KLRG2: variants seen among roughly 807,000 people sequenced by gnomAD.
KLRG2 encodes the protein killer cell lectin like receptor G2.
Under a neutral mutation model 35.4 loss-of-function variants are expected in KLRG2, and 39 were observed. The ratio of observed to expected loss-of-function variants is 1.10; its 90% CI spans 0.85 to 1.44. The LOEUF (loss-of-function observed/expected upper bound fraction) is 1.44, where lower values mean the gene tolerates loss of function less well. KLRG2 is among the 40% of genes most tolerant of loss of function. The pLI is 0.00. For missense variants in KLRG2, 632 were observed against 570.9 expected, an observed-to-expected ratio of 1.11 and a Z score of -1.09; for synonymous variants, 283 against 265.8, an observed-to-expected ratio of 1.06 and a Z score of -0.63.
At chr7:139,470,806 A>G (rs1796742210) in intron 3 of KLRG2, among the ~76,000 whole-genome samples, 1 of 151,984 alleles carries the variant, frequency 6.6e-6, no homozygotes, top group Admixed American at 6.6e-5. Flanking sequence ...CAAAAACAAA[A>G]ATAAAATAAA....
the KLRG2 span, among the ~76,000 whole-genome samples, chr7:139,429,945 C>T: frequency 1.1e-4 from 17 of 152,124 alleles, no homozygotes; most frequent in South Asian, 2.1e-3. Flanking sequence ...CCAGACAGGG[C>T]GGCTGGCCGG....
chr7:139,436,346 C>T, the KLRG2 span, among the ~76,000 whole-genome samples: 201 of 152,280 alleles, frequency 1.3e-3, 2 homozygotes, highest in African/African-American at 4.6e-3. Context: ...GAACCCCCCC[C>T]TTCACACCTC....
At position 139,453,498 on chromosome 7, in the gene KLRG2, C is replaced by T; in HGVS notation, c.*89G>A. ...GCATGAAGACCTGGATAACTGGGTCCAGGAAGAGGCTGCCCAAGCTCTCAA... is the reference window on the plus strand; with the variant it reads ...GCATGAAGACCTGGATAACTGGGTCTAGGAAGAGGCTGCCCAAGCTCTCAA... On this transcript the variant is annotated 3_prime_UTR_variant, in exon 5 of 5. Transcript: ENST00000340940. 1 of 1,411,910 alleles carries T rather than the reference C, an allele frequency of 7.1e-7. No homozygotes were observed. The highest frequency in any genetic ancestry group is 9.6e-7 in the Non-Finnish European group (1 of 1,038,618). The allele number at this position is 1,411,910 out of a possible 1,614,324, so 87.5% of individuals were successfully genotyped here.
chr7:139,452,307 G>A (rs1322739539), downstream of KLRG2, among the ~76,000 whole-genome samples: 1 of 152,104 alleles, frequency 6.6e-6, no homozygotes, highest in African/African-American at 2.4e-5. Flanking sequence ...ACTTTCAGGA[G>A]TGTGAGAAGG....
At chr7:139,473,169 T>C (rs566878757) in intron 3 of KLRG2, among the ~76,000 whole-genome samples, 45 of 152,230 alleles carry the variant, frequency 3.0e-4, no homozygotes, top group Middle Eastern at 3.4e-3. Flanking sequence ...TAATCCCAGC[T>C]ACTCAGGAGG....
chr7:139,467,545 C>G (rs1221673214), intron 3 of KLRG2, among the ~76,000 whole-genome samples: 2 of 152,070 alleles, frequency 1.3e-5, no homozygotes, highest in East Asian at 1.9e-4. Flanking sequence ...CCCCCAACGC[C>G]GTGCTCTCTG....
chr7:139,462,009 G>A (rs961304251), intron 3 of KLRG2, among the ~76,000 whole-genome samples: 3 of 152,066 alleles, frequency 2.0e-5, no homozygotes, highest in South Asian at 2.1e-4. Context: ...CTCTTTTTAC[G>A]CTTTTCTCCA....
At chr7:139,471,361 G>A (rs927454727) in intron 3 of KLRG2, among the ~76,000 whole-genome samples, 15 of 152,048 alleles carry the variant, frequency 9.9e-5, no homozygotes, top group African/African-American at 3.6e-4. Context: ...TGACATGTGT[G>A]TTCAAGAATT....
At chr7:139,446,336 G>GT in the KLRG2 span, among the ~76,000 whole-genome samples, 30,853 of 91,836 alleles carry the variant, frequency 0.34, 6,440 homozygotes, top group Non-Finnish European at 0.44. Context: ...ATTTTCCAGG[G>GT]TTTTTTTTTT....
chr7:139,455,802 T>C (rs1796468885), intron 3 of KLRG2, among the ~76,000 whole-genome samples: 6 of 151,824 alleles, frequency 4.0e-5, no homozygotes, highest in Non-Finnish European at 8.8e-5. Context: ...CACTGAGAAA[T>C]AAATCCAAGA....
Position 139,453,390 on chromosome 7 carries a change from T to C in KLRG2, c.*197A>G. 1.7e-6 allele frequency: 1 copy of C among 587,354 alleles called. No individual in the cohort carries two copies. Among genetic ancestry groups the C allele is most frequent in the East Asian group, 2.9e-5 (1 of 34,034 alleles). 36.4% of individuals were successfully genotyped at this position (587,354 alleles called of 1,614,324 possible). A position where few individuals can be genotyped will look rare whatever the true frequency, so the allele number is the denominator to read the frequency against. On this transcript the variant is annotated 3_prime_UTR_variant, in exon 5 of 5. Coordinates refer to ENST00000340940, the MANE Select transcript of KLRG2 (RefSeq NM_198508.4). ...ATATTGGCACTCAGGCCTGAGGCCA[T>C]AGAAAATCTCCTTTCCCTCGGATGC...
the KLRG2 span, among the ~76,000 whole-genome samples, chr7:139,446,900 C>T: frequency 6.6e-6 from 1 of 152,058 alleles, no homozygotes; most frequent in African/African-American, 2.4e-5. Context: ...TTTGAAGATC[C>T]TTAATTTAAT....
chr7:139,464,679 G>A (rs971039862), intron 3 of KLRG2, among the ~76,000 whole-genome samples: 2 of 152,110 alleles, frequency 1.3e-5, no homozygotes, highest in Non-Finnish European at 2.9e-5. Flanking sequence ...CTCTGTGGTC[G>A]GAATTCTTAC....
chr7:139,464,131 G>A (rs1197347290), intron 3 of KLRG2, among the ~76,000 whole-genome samples: 1 of 151,984 alleles, frequency 6.6e-6, no homozygotes, highest in African/African-American at 2.4e-5. Context: ...TTTTTCCCCA[G>A]TTCAAAGCCT....
intron 3 of KLRG2, among the ~76,000 whole-genome samples, chr7:139,455,353 G>A (rs1285387809): frequency 1.4e-4 from 18 of 129,020 alleles, no homozygotes; most frequent in Non-Finnish European, 2.3e-4. Context: ...ACAGAGTCTC[G>A]CTCTGTTGCC....
At position 139,479,754 on chromosome 7, in the gene KLRG2, C is replaced by T; in HGVS notation, c.878G>A (p.Cys293Tyr). The T allele has an allele frequency of 1.2e-6, 2 of 1,613,726 alleles. No individual in the cohort carries two copies. Among genetic ancestry groups the T allele is most frequent in the Non-Finnish European group, 1.7e-6 (2 of 1,179,846 alleles). ...CTCGGACAACACCCAGCCTGGGGGG[C>T]ACTGCTGGCATCTGGCTCCTGCAAG... ...ASRAGARCQQCPPGWVLSEEH... is the reference protein window; with the variant it reads ...ASRAGARCQQYPPGWVLSEEH... The change falls in exon 3 of 5, where the codon TGC becomes TAC. Residue 293 changes from cysteine (C) to tyrosine (Y), a missense_variant. Transcript: ENST00000340940.
chr7:139,481,126 T>A (rs1166737216), intron 1 of KLRG2, among the ~76,000 whole-genome samples: 1 of 152,030 alleles, frequency 6.6e-6, no homozygotes, highest in East Asian at 1.9e-4. Context: ...CAACGCTGGA[T>A]TTTAATATAG....
intron 3 of KLRG2, among the ~76,000 whole-genome samples, chr7:139,461,865 T>C (rs1262177187): frequency 9.2e-5 from 14 of 152,178 alleles, no homozygotes; most frequent in Admixed American, 9.2e-4. Context: ...CGTGTGACAT[T>C]TGGTGCCATG....
At chr7:139,440,770 C>T in the KLRG2 span, among the ~76,000 whole-genome samples, 3 of 152,194 alleles carry the variant, frequency 2.0e-5, no homozygotes, top group African/African-American at 7.2e-5. Flanking sequence ...TTAAAAGACC[C>T]CATTTCCAAA....
Sources: allele counts gnomAD v4.1 joint callset (sites outside exome capture counted in the v4.1 genomes callset), GRCh38; gene constraint gnomAD v4.1.1; transcripts MANE v1.5; gene names NCBI Gene and HGNC (gene_info 2026-07-23, HGNC 2026-07-21).